CARM1: variants seen among roughly 807,000 people sequenced by gnomAD.
CARM1 encodes histone-arginine methyltransferase CARM1.
A neutral mutation model predicts 72.7 loss-of-function variants in CARM1; 14 were observed. The observed-to-expected ratio is 0.19, with a 90% CI of 0.13 to 0.30. CARM1 has a LOEUF of 0.30. Ranked by LOEUF, CARM1 falls within the 10% of genes least tolerant of loss-of-function variation. CARM1 has a pLI of 1.00. For synonymous variants in CARM1, 333 were observed against 345.5 expected, an observed-to-expected ratio of 0.96 and a Z score of 0.40; for missense variants, 432 against 833.7, an observed-to-expected ratio of 0.52 and a Z score of 5.93.
Position 10,912,953 on chromosome 19 carries a change from C to T in CARM1, c.669+659C>T, listed in dbSNP as rs1053020190. Among the ~76,000 whole-genome samples the T allele has an allele frequency of 6.6e-5, 10 of 152,202 alleles. No homozygotes were observed. Among genetic ancestry groups the T allele is most frequent in the Admixed American group, 4.6e-4 (7 of 15,274 alleles). On this transcript the variant is annotated intron_variant, in intron 5 of 15. Coordinates refer to ENST00000327064, the MANE Select transcript of CARM1 (RefSeq NM_199141.2). This position sits in a 1 kb window ranked among gnomAD's most constrained non-coding sequence, Gnocchi z 4.5. ...GTAGGACACACCCTAGCCCTGGAAT[C>T]GCTGGGTTGGGGGTGCATCCAGCTT...
intron 1 of CARM1, among the ~76,000 whole-genome samples, chr19:10,887,481 G>A (rs1170658707): frequency 6.6e-6 from 1 of 152,240 alleles, no homozygotes; most frequent in Non-Finnish European, 1.5e-5. Context: ...CTGAGCCTTG[G>A]TGGGGCCAGA....
intron 1 of CARM1, among the ~76,000 whole-genome samples, chr19:10,873,471 C>G (rs568788442): frequency 1.8e-4 from 28 of 151,516 alleles, no homozygotes; most frequent in Admixed American, 1.4e-3. Context: ...ATGTGCCTGT[C>G]CCAGCTACTC....
At chr19:10,905,208 T>G in intron 2 of CARM1, 132 bp downstream of exon 2, 1 of 1,081,566 alleles carries the variant, frequency 9.2e-7, no homozygotes, top group Non-Finnish European at 1.3e-6. Flanking sequence ...CAAAACCACA[T>G]TCCCACATGC....
chr19:10,891,588 C>G (rs2073988071), intron 1 of CARM1, among the ~76,000 whole-genome samples: 1 of 152,238 alleles, frequency 6.6e-6, no homozygotes, highest in Non-Finnish European at 1.5e-5. Context: ...CTCCCCTCCC[C>G]CAGCCAGCAG....
At chr19:10,889,020 G>C (rs1375004874) in intron 1 of CARM1, among the ~76,000 whole-genome samples, 2 of 152,234 alleles carry the variant, frequency 1.3e-5, no homozygotes, top group Non-Finnish European at 2.9e-5. Context: ...CCAGGCCTCT[G>C]ACTGAAGAAG....
intron 6 of CARM1, 54 bp downstream of exon 6, chr19:10,914,108 G>A (rs538324731): frequency 2.1e-5 from 32 of 1,500,824 alleles, no homozygotes; most frequent in East Asian, 5.0e-5. Flanking sequence ...CCTGGCTGCC[G>A]CTGAGCCAGG....
chr19:10,880,492 G>A (rs890748939), intron 1 of CARM1, among the ~76,000 whole-genome samples: 1 of 151,094 alleles, frequency 6.6e-6, no homozygotes, highest in Non-Finnish European at 1.5e-5. Flanking sequence ...GACCACAGGC[G>A]CACATCACCA....
chr19:10,905,942 CTTTTTTT>C (rs35328638), intron 2 of CARM1, among the ~76,000 whole-genome samples: 2 of 103,442 alleles, frequency 1.9e-5, no homozygotes, highest in Admixed American at 1.0e-4. Context: ...TGCCCGGCCC[CTTTTTTT>C]TTTTTTTTTT....
chr19:10,900,665 T>G (rs553551394), intron 1 of CARM1, among the ~76,000 whole-genome samples: 11 of 151,354 alleles, frequency 7.3e-5, no homozygotes, highest in East Asian at 5.8e-4. Context: ...TGTCTGTTGG[T>G]TTTTTTTGCT....
In CARM1 at chr19:10,921,813, G is replaced by T; in HGVS notation, c.*56G>T. On this transcript the variant is annotated 3_prime_UTR_variant, in exon 16 of 16. Transcript: ENST00000327064. Reference sequence around the variant, plus strand: ...AAACCAAATGATGTCCCTGCCCGCCGCCCCCGCCGGGCGGCTTTCCCCCTT... The same window carrying T: ...AAACCAAATGATGTCCCTGCCCGCCTCCCCCGCCGGGCGGCTTTCCCCCTT... 6.6e-7 allele frequency: 1 copy of T among 1,519,792 alleles called. No individual in the cohort carries two copies. The highest frequency in any genetic ancestry group is 1.3e-5 in the South Asian group (1 of 78,894). 94.1% of individuals were successfully genotyped at this position (1,519,792 alleles called of 1,614,324 possible).
At chr19:10,921,487 CGT>C (rs1277135542) in intron 15 of CARM1, 44 bp downstream of exon 15, 38 of 1,578,612 alleles carry the variant, frequency 2.4e-5, no homozygotes, top group Non-Finnish European at 3.1e-5. Context: ...GCCGAGCTAG[CGT>C]GTGAGTCGCC....
In CARM1 at chr19:10,884,013, G is replaced by GTTT. The variant is rs772915996; in HGVS notation, c.220+12106_220+12108dup. On this transcript the variant is annotated intron_variant, in intron 1 of 15. Coordinates refer to ENST00000327064, the MANE Select transcript of CARM1 (RefSeq NM_199141.2). ...GGCCTGGGTGACAGAGCGAGACTCT[G>GTTT]TTTTTTTTTTTTTTTTTCGTTTTTT... Among the ~76,000 whole-genome samples the GTTT allele has an allele frequency of 8.1e-4, 81 of 100,522 alleles. 1 individual carries two copies. Among genetic ancestry groups the GTTT allele is most frequent in the East Asian group, 1.5e-3 (5 of 3,344 alleles). 65.9% of individuals were successfully genotyped at this position (100,522 alleles called of 152,430 possible).
intron 2 of CARM1, among the ~76,000 whole-genome samples, chr19:10,905,769 G>C (rs898262002): frequency 6.6e-6 from 1 of 151,858 alleles, no homozygotes; most frequent in Non-Finnish European, 1.5e-5. Flanking sequence ...ACCTTGGGCA[G>C]CCTGAGCCCT....
intron 1 of CARM1, among the ~76,000 whole-genome samples, chr19:10,898,101 G>A (rs566777543): frequency 7.5e-4 from 110 of 146,520 alleles, no homozygotes; most frequent in African/African-American, 2.6e-3. Context: ...GCGAGACTCC[G>A]TCTCAAAAAA....
chr19:10,907,700 A>G (rs1284469902), intron 2 of CARM1, among the ~76,000 whole-genome samples: 1 of 151,976 alleles, frequency 6.6e-6, no homozygotes, highest in Non-Finnish European at 1.5e-5. Flanking sequence ...ACTTGGGCTT[A>G]TTTGCCAGAG....
In CARM1 at chr19:10,896,218, C is replaced by T. The variant is rs1488344663; in HGVS notation, c.221-8733C>T. ...GACGTCTCCCCGTTCTTCCAAGACC[C>T]TCCTGCATGCTGGGACCCAGGGCTG... On this transcript the variant is annotated intron_variant, in intron 1 of 15. Coordinates refer to ENST00000327064, the MANE Select transcript of CARM1 (RefSeq NM_199141.2). This position sits in a 1 kb window ranked among gnomAD's most constrained non-coding sequence, Gnocchi z 5.2. Among the ~76,000 whole-genome samples, 1 of 152,062 alleles carries T rather than the reference C, an allele frequency of 6.6e-6. No homozygotes were observed. The highest frequency in any genetic ancestry group is 1.5e-5 in the Non-Finnish European group (1 of 67,986).
rs796089019 is a variant in CARM1 at position 10,900,949 on chromosome 19, C to T, written c.221-4002C>T. On this transcript the variant is annotated intron_variant, in intron 1 of 15. Coordinates refer to ENST00000327064, the MANE Select transcript of CARM1 (RefSeq NM_199141.2). ...CCACCCGCCTCGGCCCCCCAAAGTG[C>T]TGGGATTACAGGTGTGAGCCACTGC... 7.9e-5 allele frequency among the ~76,000 whole-genome samples: 12 copies of T among 151,728 alleles called. 1 individual carries two copies. The South Asian group carries it at 2.5e-3, about 32-fold the overall frequency.
In CARM1 at chr19:10,912,222, G is replaced by A. The variant is rs139174396; in HGVS notation, c.597G>A (p.Ser199=). Residue 199 remains serine (S), a synonymous_variant, in exon 5 of 16, where the codon TCG becomes TCA. Transcript: ENST00000327064. This position sits in a 1 kb window ranked among gnomAD's most constrained non-coding sequence, Gnocchi z 4.5. The stretch of plus-strand genomic sequence containing the variant: ...TTGGCTGTGGCTCTGGGATCCTGTC[G>A]TTTTTTGCCGCCCAAGCTGGAGCAC... The part of the protein sequence containing the change: ...LDVGCGSGIL[S]FFAAQAGARK... The A allele has an allele frequency of 5.1e-4, 829 of 1,614,120 alleles. 8 individuals are homozygous for A. The African/African-American group carries it at 8.4e-3, about 16-fold the overall frequency.
intron 4 of CARM1, among the ~76,000 whole-genome samples, chr19:10,911,772 C>T (rs998253852): frequency 2.6e-5 from 4 of 152,224 alleles, no homozygotes; most frequent in Non-Finnish European, 5.9e-5. Flanking sequence ...TCACCTGCCC[C>T]AGCCAAGACG....
Sources: allele counts gnomAD v4.1 joint callset (sites outside exome capture counted in the v4.1 genomes callset), GRCh38; gene constraint gnomAD v4.1.1; non-coding constraint Gnocchi (gnomAD v3.1); transcripts MANE v1.5; gene names NCBI Gene and HGNC (gene_info 2026-07-23, HGNC 2026-07-21).